Variants in SLC16A1 observed in about 807,000 individuals in gnomAD.
SLC16A1 encodes monocarboxylate transporter 1.
A neutral mutation model predicts 32.2 loss-of-function variants in SLC16A1; 11 were observed. The observed-to-expected ratio is 0.34, with a 90% CI of 0.21 to 0.56. SLC16A1 has a LOEUF of 0.56. Among genes scored for constraint, SLC16A1 ranks in the 20% least tolerant of loss-of-function variants. The pLI is 0.87. For synonymous variants in SLC16A1, 231 were observed against 226.8 expected (o/e 1.02, Z -0.17); for missense variants, 435 against 615.0 (o/e 0.71, Z 3.10).
rs1407575522 is a variant in SLC16A1, at chr1:112,913,530, C to A, written c.*361G>T. 3.4e-5 allele frequency: 7 copies of A among 206,608 alleles called. No homozygotes were observed. The highest frequency in any genetic ancestry group is 6.9e-5 in the Non-Finnish European group (7 of 101,134). The allele number at this position is 206,608 out of a possible 1,614,324, so 12.8% of individuals were successfully genotyped here. A position where few individuals can be genotyped will look rare whatever the true frequency, so the allele number is the denominator to read the frequency against. ...TTAGTTGTTATTTTTCCTTTTAACA[C>A]AACACTCGAAATAGATGAATTCAGC... On this transcript the variant is annotated 3_prime_UTR_variant, in exon 5 of 5. Coordinates refer to ENST00000369626, the MANE Select transcript of SLC16A1 (RefSeq NM_003051.4).
chr1:112,935,707 A>C (rs1475373040), intron 1 of SLC16A1: 1 of 152,246 alleles, frequency 6.6e-6, no homozygotes, highest in Admixed American at 6.5e-5. Context: ...TCAGTTTGAG[A>C]AAACAAGATA....
At chr1:112,926,039 AG>A (rs895324615) in intron 2 of SLC16A1, among the ~76,000 whole-genome samples, 6 of 152,340 alleles carry the variant, frequency 3.9e-5, no homozygotes, top group African/African-American at 1.4e-4. Flanking sequence ...GATTGTTGAA[AG>A]AATAAAAAAT....
chr1:112,916,433 G>C (rs1422406406), intron 4 of SLC16A1, among the ~76,000 whole-genome samples: 2 of 147,356 alleles, frequency 1.4e-5, no homozygotes, highest in African/African-American at 5.1e-5. Context: ...AGGAGGCAGA[G>C]GTTGCAGTGA....
intron 2 of SLC16A1, among the ~76,000 whole-genome samples, chr1:112,922,594 C>T (rs938426355): frequency 1.1e-4 from 16 of 151,904 alleles, no homozygotes; most frequent in African/African-American, 3.4e-4. Flanking sequence ...GCCAACATGG[C>T]GAAACCCCGT....
intron 2 of SLC16A1, chr1:112,923,443 G>A: frequency 1.4e-6 from 1 of 705,802 alleles, no homozygotes; most frequent in Non-Finnish European, 2.6e-6. Flanking sequence ...CCTCCACGGT[G>A]TTGGGTGCCA....
intron 1 of SLC16A1, among the ~76,000 whole-genome samples, chr1:112,934,059 G>T (rs894488073): frequency 1.3e-5 from 2 of 152,096 alleles, no homozygotes; most frequent in Admixed American, 1.3e-4. Context: ...TTTTAAAAGC[G>T]TTCTGTTAAG....
chr1:112,943,402 T>G (rs1001270789), intron 1 of SLC16A1, among the ~76,000 whole-genome samples: 56 of 152,106 alleles, frequency 3.7e-4, no homozygotes, highest in African/African-American at 1.4e-3. Context: ...AAGAAAGATT[T>G]GTAGAAGGGC....
intron 1 of SLC16A1, among the ~76,000 whole-genome samples, chr1:112,934,655 T>G (rs953165780): frequency 6.6e-6 from 1 of 152,110 alleles, no homozygotes; most frequent in Admixed American, 6.5e-5. Context: ...CTTCTTTGTC[T>G]TAGTTATCTA....
At chr1:112,942,577 T>C (rs1210116896) in intron 1 of SLC16A1, among the ~76,000 whole-genome samples, 1 of 152,254 alleles carries the variant, frequency 6.6e-6, no homozygotes, top group Non-Finnish European at 1.5e-5. Flanking sequence ...TAAGAGCTAC[T>C]TTTGCTATAT....
chr1:112,937,207 G>C lies in SLC16A1; in HGVS notation c.-44-7855C>G, dbSNP rs200137480. 5.3e-5 allele frequency among the ~76,000 whole-genome samples: 8 copies of C among 152,298 alleles called. No individual in the cohort carries two copies. The East Asian group carries it at 1.5e-3, about 29-fold the overall frequency. On this transcript the variant is annotated intron_variant, in intron 1 of 4. Transcript: ENST00000369626. ...TGTTTAACACATCAAGCTCTGACTA[G>C]AACAGCTAATACGTGCTGGACGTGA...
At chr1:112,941,408 A>G (rs1365911155) in intron 1 of SLC16A1, among the ~76,000 whole-genome samples, 4 of 151,616 alleles carry the variant, frequency 2.6e-5, no homozygotes, top group Non-Finnish European at 5.9e-5. Context: ...CAGCCTCCCA[A>G]GTAGCTGGGA....
At chr1:112,931,427 C>T (rs1649124216) in intron 1 of SLC16A1, among the ~76,000 whole-genome samples, 1 of 151,880 alleles carries the variant, frequency 6.6e-6, no homozygotes, top group Non-Finnish European at 1.5e-5. Flanking sequence ...AGGTAGATCA[C>T]CTGAGATCAG....
At position 112,923,261 on chromosome 1, in the gene SLC16A1, G is replaced by GAGCCGAGAT. The variant is rs1557846755; in HGVS notation, c.218-1129_218-1128insATCTCGGCT. 8.4e-3 allele frequency among the ~76,000 whole-genome samples: 1,280 copies of GAGCCGAGAT among 151,776 alleles called. 21 individuals carry two copies. The highest frequency in any genetic ancestry group is 0.028 in the African/African-American group (1,174 of 41,448). On this transcript the variant is annotated intron_variant, in intron 2 of 4. Coordinates refer to ENST00000369626, the MANE Select transcript of SLC16A1 (RefSeq NM_003051.4). ...TTGAATCCAGGAGGTGGAGGTTGCG[G>GAGCCGAGAT]TGAGCCATTGCACTCCAGCCTGGGC... is the stretch of plus-strand genomic sequence containing the variant.
At chr1:112,932,164 C>T (rs1433637503) in intron 1 of SLC16A1, among the ~76,000 whole-genome samples, 1 of 152,136 alleles carries the variant, frequency 6.6e-6, no homozygotes, top group Non-Finnish European at 1.5e-5. Context: ...ACCACTTATA[C>T]ACAACATTCT....
Position 112,949,743 on chromosome 1 carries a change from C to T in SLC16A1, c.-45+6292G>A, listed in dbSNP as rs72683448. Among the ~76,000 whole-genome samples the T allele has an allele frequency of 5.4e-3, 814 of 151,762 alleles. 5 individuals are homozygous for T. Among genetic ancestry groups the T allele is most frequent in the Non-Finnish European group, 8.7e-3 (593 of 67,908 alleles). ...CAAATAGAGACAGGGTTTCGCCATG[C>T]TGCCCAGTCTGCTCTTGAACTCCTG... On this transcript the variant is annotated intron_variant, in intron 1 of 4. Coordinates refer to ENST00000369626, the MANE Select transcript of SLC16A1 (RefSeq NM_003051.4).
chr1:112,934,242 G>T (rs183428063), intron 1 of SLC16A1, among the ~76,000 whole-genome samples: 1 of 152,270 alleles, frequency 6.6e-6, no homozygotes, highest in East Asian at 1.9e-4. Context: ...ATACTCATTG[G>T]AACATTTCGA....
intron 1 of SLC16A1, among the ~76,000 whole-genome samples, chr1:112,947,316 T>C (rs1473819852): frequency 1.3e-5 from 2 of 152,250 alleles, no homozygotes; most frequent in African/African-American, 4.8e-5. Context: ...AATAAGTGAG[T>C]TGTCAGGATT....
chr1:112,940,760 T>A (rs951467964), intron 1 of SLC16A1, among the ~76,000 whole-genome samples: 2 of 152,212 alleles, frequency 1.3e-5, no homozygotes, highest in African/African-American at 4.8e-5. Context: ...ATACTTCTTA[T>A]TAAAATAATT....
In SLC16A1 at chr1:112,914,027, T is replaced by C. The variant is rs554138665; in HGVS notation, c.1367A>G (p.Glu456Gly). The change falls in exon 5 of 5, where the codon GAG (glutamate) becomes GGG (glycine). Residue 456 changes from glutamate to glycine, a missense_variant. Physicochemically the swap from Glu to Gly is moderately conservative, Grantham distance 98. Around this residue, in one of 2 missense-constraint regions of SLC16A1, gnomAD observed 111 missense variants for 114.7 expected, o/e 0.97. Transcript: ENST00000369626. Reference protein sequence around the residue: ...RLLAKEQKANEQKKESKEEET... With the variant: ...RLLAKEQKANGQKKESKEEET... ...TTCCTCTTTACTTTCCTTTTTCTGC[T>C]CGTTTGCTTTCTGTTCTTTTGCCAA... is the stretch of plus-strand genomic sequence containing the variant. 1.2e-6 allele frequency: 2 copies of C among 1,614,194 alleles called. No homozygotes were observed. Among genetic ancestry groups the C allele is most frequent in the Admixed American group, 1.7e-5 (1 of 60,018 alleles).
Sources: allele counts gnomAD v4.1 joint callset (sites outside exome capture counted in the v4.1 genomes callset), GRCh38; gene constraint gnomAD v4.1.1; regional missense constraint gnomAD v4.1.1; transcripts MANE v1.5; gene names NCBI Gene and HGNC (gene_info 2026-07-23, HGNC 2026-07-21).